The following ST8SIA5 variants were observed in gnomAD, a reference collection of about 807,000 sequenced individuals.
ST8SIA5 encodes alpha-2,8-sialyltransferase 8E.
In ST8SIA5, 24 loss-of-function variants were observed where a neutral mutation model predicts 40.2. That is an observed-to-expected ratio of 0.60 (90% CI 0.43 to 0.84). The LOEUF is 0.84. ST8SIA5 is among the 40% of genes least tolerant of loss of function. ST8SIA5 has a pLI of 0.00. For missense variants in ST8SIA5, 465 were observed against 498.5 expected (o/e 0.93, Z 0.64); for synonymous variants, 198 against 201.8 (o/e 0.98, Z 0.16).
chr18:46,705,078 C>T (rs957505441), intron 1 of ST8SIA5, among the ~76,000 whole-genome samples: 1 of 152,238 alleles, frequency 6.6e-6, no homozygotes, highest in African/African-American at 2.4e-5. Context: ...TTCAGGCCTC[C>T]AACTTGCCCT....
chr18:46,681,942 C>T, intron 6 of ST8SIA5, 30 bp downstream of exon 6: 3 of 1,609,774 alleles, frequency 1.9e-6, no homozygotes, highest in East Asian at 2.2e-5. Flanking sequence ...CCATTTTGGA[C>T]AGTGCAGCTC....
intron 5 of ST8SIA5, among the ~76,000 whole-genome samples, chr18:46,684,093 C>T (rs2039423560): frequency 6.6e-6 from 1 of 152,110 alleles, no homozygotes; most frequent in Non-Finnish European, 1.5e-5. Context: ...ATGATGATGA[C>T]GATGAGGATG....
In ST8SIA5 at chr18:46,672,607, T is replaced by C. The variant is rs770268113; in HGVS notation, c.*7435A>G. The C allele has an allele frequency of 1.6e-5, 2 of 123,638 alleles. No individual in the cohort carries two copies. The highest frequency in any genetic ancestry group is 3.4e-5 in the Non-Finnish European group (2 of 58,204). 7.7% of individuals were successfully genotyped at this position (123,638 alleles called of 1,614,324 possible). ...GTGTATGTTTTTGCTTTTGGTTTTT[T>C]TCCTTTGAAATAAAAAAAAAAAAAA... On this transcript the variant is annotated 3_prime_UTR_variant, in exon 7 of 7. Coordinates refer to ENST00000315087, the MANE Select transcript of ST8SIA5 (RefSeq NM_013305.6).
At chr18:46,743,654 C>T (rs2040109092) in intron 1 of ST8SIA5, among the ~76,000 whole-genome samples, 1 of 152,094 alleles carries the variant, frequency 6.6e-6, no homozygotes, top group African/African-American at 2.4e-5. Context: ...GGATATTATC[C>T]AGGAGAACTT....
chr18:46,755,380 C>A (rs1369200942), intron 1 of ST8SIA5, among the ~76,000 whole-genome samples: 1 of 152,124 alleles, frequency 6.6e-6, no homozygotes, highest in East Asian at 1.9e-4. Flanking sequence ...TTCCTATCAA[C>A]CTAGGGGAGG....
At chr18:46,696,878 A>G (rs114024626) in intron 2 of ST8SIA5, among the ~76,000 whole-genome samples, 87 of 152,326 alleles carry the variant, frequency 5.7e-4, no homozygotes, top group African/African-American at 2.0e-3. Flanking sequence ...TGGAAGTACA[A>G]GAGAGTAGCA....
intron 4 of ST8SIA5, among the ~76,000 whole-genome samples, chr18:46,688,428 G>A (rs78863061): frequency 0.028 from 4,278 of 152,280 alleles, 85 homozygotes; most frequent in Non-Finnish European, 0.042. Flanking sequence ...CTGCATGTGC[G>A]TTTGCTCTTG....
In ST8SIA5 at chr18:46,672,525, A is replaced by G. The variant is rs1175907412; in HGVS notation, c.*7517T>C. 2.6e-5 allele frequency: 4 copies of G among 152,196 alleles called. No individual in the cohort carries two copies. Among genetic ancestry groups the G allele is most frequent in the Non-Finnish European group, 5.9e-5 (4 of 68,032 alleles). 9.4% of individuals were successfully genotyped at this position (152,196 alleles called of 1,614,324 possible). ...ATTTGTTGCCATGGGAACCATCTTC[A>G]ACTGAAGAGAGAGTCACTGATTTCT... On this transcript the variant is annotated 3_prime_UTR_variant, in exon 7 of 7. Coordinates refer to ENST00000315087, the MANE Select transcript of ST8SIA5 (RefSeq NM_013305.6).
At chr18:46,735,990 G>A (rs929119973) in intron 1 of ST8SIA5, among the ~76,000 whole-genome samples, 1 of 152,096 alleles carries the variant, frequency 6.6e-6, no homozygotes, top group African/African-American at 2.4e-5. Flanking sequence ...TTCTCTCTGT[G>A]TTGTTACAGC....
intron 1 of ST8SIA5, among the ~76,000 whole-genome samples, chr18:46,755,867 C>CA (rs1192360727): frequency 1.3e-5 from 2 of 152,202 alleles, no homozygotes; most frequent in African/African-American, 4.8e-5. Context: ...CGCATAGCCA[C>CA]AGCCCACACT....
intron 6 of ST8SIA5, among the ~76,000 whole-genome samples, chr18:46,680,970 C>T (rs1434235735): frequency 6.6e-6 from 1 of 151,392 alleles, no homozygotes; most frequent in Non-Finnish European, 1.5e-5. Context: ...CTCTCACACA[C>T]TAGTGTGTTG....
At chr18:46,731,257 A>G (rs74611586) in intron 1 of ST8SIA5, among the ~76,000 whole-genome samples, 2,425 of 152,366 alleles carry the variant, frequency 0.016, 27 homozygotes, top group Middle Eastern at 0.031. Context: ...CTACCAAAAG[A>G]AAAAGAAAAA....
chr18:46,746,595 T>C (rs1368690804), intron 1 of ST8SIA5, among the ~76,000 whole-genome samples: 1 of 152,162 alleles, frequency 6.6e-6, no homozygotes, highest in African/African-American at 2.4e-5. Flanking sequence ...AAGAACATTC[T>C]ATGCTCATGG....
rs2039376318 is a variant in ST8SIA5 at position 46,680,249 on chromosome 18, C to T, written c.924G>A (p.Ala308=). ...RISTGLILVT[A]ALELCEEVHL... Reference sequence around the variant, plus strand: ...GCACCTCCTCACAGAGCTCCAGCGCCGCAGTGACCAGAATGAGGCCGGTGC... The same window carrying T: ...GCACCTCCTCACAGAGCTCCAGCGCTGCAGTGACCAGAATGAGGCCGGTGC... The change falls in exon 7 of 7, where the codon GCG becomes GCA. Residue 308 remains alanine, a synonymous_variant. Coordinates refer to ENST00000315087, the MANE Select transcript of ST8SIA5 (RefSeq NM_013305.6). The T allele has an allele frequency of 6.2e-7, 1 of 1,614,234 alleles. No homozygotes were observed. The highest frequency in any genetic ancestry group is 1.3e-5 in the African/African-American group (1 of 75,060).
chr18:46,720,309 C>T (rs2039849139), intron 1 of ST8SIA5, among the ~76,000 whole-genome samples: 2 of 152,158 alleles, frequency 1.3e-5, no homozygotes, highest in Non-Finnish European at 2.9e-5. Flanking sequence ...GGGCCCCCAC[C>T]TTACCCGTGA....
chr18:46,720,667 A>C (rs752077532), intron 1 of ST8SIA5, among the ~76,000 whole-genome samples: 2 of 152,088 alleles, frequency 1.3e-5, no homozygotes, highest in African/African-American at 4.8e-5. Flanking sequence ...AAACAGCTTA[A>C]TCAGCCCCTG....
intron 1 of ST8SIA5, among the ~76,000 whole-genome samples, chr18:46,720,703 T>A (rs979328213): frequency 6.6e-6 from 1 of 152,100 alleles, no homozygotes; most frequent in African/African-American, 2.4e-5. Context: ...CAGGTTCCAG[T>A]CATACCCAGC....
At position 46,682,069 on chromosome 18, in the gene ST8SIA5, A is replaced by G; in HGVS notation, c.570-5T>C. The G allele has an allele frequency of 6.2e-7, 1 of 1,602,318 alleles. No homozygotes were observed. The highest frequency in any genetic ancestry group is 8.5e-7 in the Non-Finnish European group (1 of 1,174,850). On this transcript the variant is annotated splice_region_variant and splice_polypyrimidine_tract_variant and intron_variant, in intron 5 of 6. Coordinates refer to ENST00000315087, the MANE Select transcript of ST8SIA5 (RefSeq NM_013305.6). ...GAGATGGGGGGCAGGTTGCACCTGC[A>G]GAAGAGAAAAGGCAGCCCAAGGTGG...
rs142992923 is a variant in ST8SIA5 at position 46,672,650 on chromosome 18, A to T, written c.*7392T>A. The T allele has an allele frequency of 3.3e-3, 501 of 151,474 alleles. 5 individuals are homozygous for T. Among genetic ancestry groups the T allele is most frequent in the African/African-American group, 0.011 (469 of 41,276 alleles). 9.4% of individuals were successfully genotyped at this position (151,474 alleles called of 1,614,324 possible). A position where few individuals can be genotyped will look rare whatever the true frequency, so the allele number is the denominator to read the frequency against. On this transcript the variant is annotated 3_prime_UTR_variant, in exon 7 of 7. Coordinates refer to ENST00000315087, the MANE Select transcript of ST8SIA5 (RefSeq NM_013305.6). ...AAAAAAAAAGAAAGGTTCTCAGAAGAGACTGTGCAGGGGAAAATACCTAAA... is the reference window on the plus strand; with the variant it reads ...AAAAAAAAAGAAAGGTTCTCAGAAGTGACTGTGCAGGGGAAAATACCTAAA...
Sources: gnomAD v4.1 joint callset for allele counts (sites outside exome capture counted in the v4.1 genomes callset) on GRCh38, gnomAD v4.1.1 for gene constraint, MANE v1.5 for transcripts, NCBI Gene and HGNC (gene_info 2026-07-23, HGNC 2026-07-21) for gene names.